The following KIAA1549 variants were observed in gnomAD, a reference collection of about 807,000 sequenced individuals.
KIAA1549 encodes UPF0606 protein KIAA1549.
Under a neutral mutation model 156.4 loss-of-function variants are expected in KIAA1549, and 70 were observed. The observed-to-expected ratio is 0.45, with a 90% CI of 0.37 to 0.55. KIAA1549 has a LOEUF of 0.55. KIAA1549 is among the 20% of genes least tolerant of loss of function. KIAA1549 has a pLI of 0.00. For missense variants in KIAA1549, 2,428 were observed against 2,540.9 expected, an observed-to-expected ratio of 0.96 and a Z score of 0.96; for synonymous variants, 1,103 against 1,066.4, an observed-to-expected ratio of 1.03 and a Z score of -0.67.
At chr7:138,879,449 G>T in intron 12 of KIAA1549, 89 bp downstream of exon 12, 1 of 725,634 alleles carries the variant, frequency 1.4e-6, no homozygotes. Context: ...TCTTTTTTAA[G>T]GGTTTAGCAT....
chr7:138,924,706 C>T (rs1812662408), intron 1 of KIAA1549, among the ~76,000 whole-genome samples: 1 of 152,098 alleles, frequency 6.6e-6, no homozygotes, highest in Admixed American at 6.6e-5. Flanking sequence ...GACAAAGCGG[C>T]TGCAGTGCCA....
chr7:138,841,475 T>C (rs1472433482), intron 18 of KIAA1549, among the ~76,000 whole-genome samples: 1 of 152,190 alleles, frequency 6.6e-6, no homozygotes, highest in Admixed American at 6.5e-5. Flanking sequence ...AGCCAGGTAA[T>C]ACACAATGTT....
At chr7:138,937,657 C>G (rs901795158) in intron 1 of KIAA1549, among the ~76,000 whole-genome samples, 1 of 152,218 alleles carries the variant, frequency 6.6e-6, no homozygotes, top group East Asian at 1.9e-4. Flanking sequence ...GGGTGGCGAG[C>G]ACAGTGGCCT....
chr7:138,968,124 T>G (rs560803392), intron 1 of KIAA1549, among the ~76,000 whole-genome samples: 2 of 151,996 alleles, frequency 1.3e-5, no homozygotes, highest in Non-Finnish European at 2.9e-5. Context: ...CACTTATAAG[T>G]GGGAGCTAAA....
intron 1 of KIAA1549, among the ~76,000 whole-genome samples, chr7:138,955,236 C>A (rs1009498521): frequency 6.6e-6 from 1 of 152,086 alleles, no homozygotes; most frequent in Admixed American, 6.5e-5. Flanking sequence ...AGCAACTCAC[C>A]AACTGTCCAC....
At position 138,883,690 on chromosome 7, in the gene KIAA1549, A is replaced by C. The variant is rs551149787; in HGVS notation, c.4033-2106T>G. On this transcript the variant is annotated intron_variant, in intron 10 of 19. Coordinates refer to ENST00000422774, the MANE Select transcript of KIAA1549 (RefSeq NM_001164665.2). ...ATGACATGAAAAGTGTCAAGGTATT[A>C]ACAGTTTCCTTAATTCAAGCTTGCA... 4.6e-5 allele frequency among the ~76,000 whole-genome samples: 7 copies of C among 152,328 alleles called. No homozygotes were observed. In the South Asian group the frequency reaches 1.4e-3, roughly 32 times the overall value.
At position 138,911,310 on chromosome 7, in the gene KIAA1549, A is replaced by T. The variant is rs768232760; in HGVS notation, c.2981T>A (p.Phe994Tyr). ...TGTTACCAGAAAAGTGAAGTCAGTA[A>T]ATAGTTCGTAAACCTAGGGAAATAA... ...RAVELKVYEL[F>Y]TDFTFLVTSG... is the part of the protein sequence containing the mutation. Residue 994 changes from phenylalanine (F) to tyrosine (Y), a missense_variant, in exon 4 of 20, where the codon TTT becomes TAT. Physicochemically the swap from Phe to Tyr is conservative, Grantham distance 22. Transcript: ENST00000422774. 6.3e-7 allele frequency: 1 copy of T among 1,591,548 alleles called. No homozygotes were observed. Among genetic ancestry groups the T allele is most frequent in the Admixed American group, 1.8e-5 (1 of 57,080 alleles).
intron 1 of KIAA1549, among the ~76,000 whole-genome samples, chr7:138,936,630 TGTCTTAA>T (rs1244692124): frequency 1.3e-5 from 2 of 152,064 alleles, no homozygotes; most frequent in African/African-American, 4.8e-5. Flanking sequence ...TCCTGGGTGG[TGTCTTAA>T]GCCCCATATG....
At chr7:138,938,142 G>A (rs1162010944) in intron 1 of KIAA1549, among the ~76,000 whole-genome samples, 2 of 152,106 alleles carry the variant, frequency 1.3e-5, no homozygotes, top group African/African-American at 4.8e-5. Context: ...GCCAGAGAGA[G>A]CTCCTATATG....
At chr7:138,923,433 T>C (rs1422170298) in intron 1 of KIAA1549, among the ~76,000 whole-genome samples, 1 of 152,076 alleles carries the variant, frequency 6.6e-6, no homozygotes, top group Non-Finnish European at 1.5e-5. Context: ...AAACCCTGTC[T>C]CTACTAAAAA....
rs139089211 is a variant in KIAA1549, at chr7:138,962,114, T to C, written c.187+18969A>G. 5.6e-3 allele frequency among the ~76,000 whole-genome samples: 847 copies of C among 152,320 alleles called. 6 individuals carry two copies. Among genetic ancestry groups the C allele is most frequent in the African/African-American group, 0.019 (792 of 41,572 alleles). ...TGAGGTGAGTTACTTCATCTCCTTATAATTGTACTGGATAGGGTTATCAGG... is the reference window on the plus strand; with the variant it reads ...TGAGGTGAGTTACTTCATCTCCTTACAATTGTACTGGATAGGGTTATCAGG... On this transcript the variant is annotated intron_variant, in intron 1 of 19. Coordinates refer to ENST00000422774, the MANE Select transcript of KIAA1549 (RefSeq NM_001164665.2).
intron 1 of KIAA1549, among the ~76,000 whole-genome samples, chr7:138,947,139 G>C (rs745473078): frequency 6.6e-6 from 1 of 152,168 alleles, no homozygotes; most frequent in Non-Finnish European, 1.5e-5. Flanking sequence ...ATCCAGTTGA[G>C]CAGCTGAGTT....
chr7:138,901,061 T>C (rs1398279443), intron 8 of KIAA1549, among the ~76,000 whole-genome samples: 2 of 152,076 alleles, frequency 1.3e-5, no homozygotes, highest in African/African-American at 2.4e-5. Context: ...ACCATGGGAG[T>C]CATCATCACT....
At chr7:138,889,548 A>C (rs562307690) in intron 10 of KIAA1549, among the ~76,000 whole-genome samples, 81 of 152,366 alleles carry the variant, frequency 5.3e-4, no homozygotes, top group African/African-American at 1.9e-3. Context: ...TCCCTCAAGA[A>C]ATAGCTGATG....
chr7:138,846,749 G>C (rs1209572747), intron 17 of KIAA1549, among the ~76,000 whole-genome samples: 7 of 152,016 alleles, frequency 4.6e-5, no homozygotes, highest in African/African-American at 1.7e-4. Context: ...CCACTCTTCT[G>C]AAGAAATTCA....
chr7:138,890,283 C>T (rs560912557), intron 10 of KIAA1549, among the ~76,000 whole-genome samples: 1 of 152,306 alleles, frequency 6.6e-6, no homozygotes, highest in South Asian at 2.1e-4. Context: ...GTGAAGCCCA[C>T]AGTATTCGGG....
intron 1 of KIAA1549, among the ~76,000 whole-genome samples, chr7:138,929,892 A>T (rs956556042): frequency 2.0e-4 from 31 of 152,088 alleles, no homozygotes; most frequent in Admixed American, 1.8e-3. Flanking sequence ...ATAAGGTCTC[A>T]CTATGTTGCC....
chr7:138,838,087 G>T lies in KIAA1549; in HGVS notation c.5672C>A (p.Pro1891His). ...GGGGAGGTTCCCGGAAGGAGCTGAG[G>T]GCTCCCTGCCTGAAGTCCTTGGCAC... is the stretch of plus-strand genomic sequence containing the variant. ...FQVPRTSGREPSAPSGNLPHR... is the reference protein window; with the variant it reads ...FQVPRTSGREHSAPSGNLPHR... The change falls in exon 20 of 20, where the codon CCC becomes CAC. Residue 1891 changes from proline to histidine, a missense_variant. Around this residue, in one of 5 missense-constraint regions of KIAA1549, gnomAD observed 363 missense variants for 354.0 expected, o/e 1.03. Transcript: ENST00000422774. 1 of 1,579,596 alleles carries T rather than the reference G, an allele frequency of 6.3e-7. No individual in the cohort carries two copies.
intron 1 of KIAA1549, among the ~76,000 whole-genome samples, chr7:138,958,515 A>G (rs1421971763): frequency 6.6e-6 from 1 of 152,240 alleles, no homozygotes; most frequent in African/African-American, 2.4e-5. Flanking sequence ...GGAAACTGAC[A>G]TATATATGAA....
Sources: gnomAD v4.1 joint callset for allele counts (sites outside exome capture counted in the v4.1 genomes callset) on GRCh38, gnomAD v4.1.1 for gene constraint, gnomAD v4.1.1 regional missense constraint, MANE v1.5 for transcripts, NCBI Gene and HGNC (gene_info 2026-07-23, HGNC 2026-07-21) for gene names.